The following SYTL5 variants were observed in gnomAD, a reference collection of about 807,000 sequenced individuals.
SYTL5 encodes the protein synaptotagmin-like protein 5.
In SYTL5, 34 loss-of-function variants were observed where a neutral mutation model predicts 55.9. The ratio of observed to expected loss-of-function variants is 0.61; its 90% CI spans 0.46 to 0.81. SYTL5 has a LOEUF of 0.81. Ranked by LOEUF, SYTL5 falls within the 30% of genes least tolerant of loss-of-function variation. The pLI is 0.00. For synonymous variants in SYTL5, 221 were observed against 188.7 expected (o/e 1.17, Z -1.40); for missense variants, 637 against 546.7 (o/e 1.17, Z -1.65).
chrX:37,993,317 G>GAAA, the SYTL5 span, among the ~76,000 whole-genome samples: 1 of 112,007 alleles, frequency 8.9e-6, no homozygotes, highest in Non-Finnish European at 1.9e-5. Flanking sequence ...ACTAAAATTA[G>GAAA]AAAAACACAA....
chrX:38,070,556 T>A (rs1329894335), intron 3 of SYTL5, among the ~76,000 whole-genome samples: 1 of 111,508 alleles, frequency 9.0e-6, no homozygotes, highest in Non-Finnish European at 1.9e-5. Context: ...AGCCAGAGAT[T>A]ATGTGATTCA....
chrX:37,905,438 T>TC, the SYTL5 span, among the ~76,000 whole-genome samples: 12,783 of 46,180 alleles, frequency 0.28, 985 homozygotes, highest in Non-Finnish European at 0.32. Flanking sequence ...TGTGTGTGTG[T>TC]GGGGGGGGCG....
intron 9 of SYTL5, among the ~76,000 whole-genome samples, chrX:38,099,504 A>G (rs1333715989): frequency 9.0e-6 from 1 of 111,422 alleles, no homozygotes; most frequent in African/African-American, 3.2e-5. Context: ...AGTGTTCTAT[A>G]TATAAAATCA....
At chrX:37,972,710 A>G in the SYTL5 span, among the ~76,000 whole-genome samples, 2 of 111,979 alleles carry the variant, frequency 1.8e-5, no homozygotes, top group Non-Finnish European at 3.8e-5. Flanking sequence ...TTGGTTTTAC[A>G]TATTTTAGGA....
chrX:37,909,581 A>T, the SYTL5 span, among the ~76,000 whole-genome samples: 1 of 111,253 alleles, frequency 9.0e-6, no homozygotes, highest in African/African-American at 3.3e-5. Flanking sequence ...AATCCAAAAG[A>T]CTGGACACCC....
chrX:38,060,615 A>G (rs1008705757), intron 3 of SYTL5, among the ~76,000 whole-genome samples: 5 of 112,046 alleles, frequency 4.5e-5, no homozygotes, highest in African/African-American at 1.6e-4. Context: ...TACTTAAAGT[A>G]TATCAGGCTT....
the SYTL5 span, among the ~76,000 whole-genome samples, chrX:37,957,712 G>T: frequency 8.9e-6 from 1 of 111,886 alleles, no homozygotes; most frequent in Non-Finnish European, 1.9e-5. Flanking sequence ...GAAGTATGAT[G>T]CCTCTAACTT....
rs143176819 is a variant in SYTL5, at chrX:38,126,642, G to A, written c.2105G>A (p.Arg702His). ...DWMDSQGEEQRLWQKMANNPG... is the reference protein window; with the variant it reads ...DWMDSQGEEQHLWQKMANNPG... The stretch of plus-strand genomic sequence containing the variant: ...ATGGACTCTCAGGGGGAAGAGCAGC[G>A]CCTTTGGCAGAAGATGGCCAACAAC... The change falls in exon 17 of 17, where the codon CGC becomes CAC. Residue 702 changes from arginine (R) to histidine (H), a missense_variant. By Grantham distance (29) the Arg-to-His change is conservative. Coordinates refer to ENST00000297875, the MANE Select transcript of SYTL5 (RefSeq NM_138780.3). 635 of 1,208,730 alleles carry A rather than the reference G, an allele frequency of 5.3e-4. No homozygotes were observed. Among genetic ancestry groups the A allele is most frequent in the Middle Eastern group, 9.2e-4 (4 of 4,348 alleles).
the SYTL5 span, among the ~76,000 whole-genome samples, chrX:37,941,789 G>A: frequency 8.9e-6 from 1 of 112,184 alleles, no homozygotes. Context: ...ACCACATCAA[G>A]GACTGAAGCA....
chrX:37,997,300 C>T, the SYTL5 span, among the ~76,000 whole-genome samples: 2 of 112,104 alleles, frequency 1.8e-5, no homozygotes, highest in African/African-American at 6.5e-5. Context: ...AGTAGCTCCC[C>T]GGTTGCAGCC....
chrX:38,108,537 CTT>C, intron 11 of SYTL5, 61 bp from the exon 12 acceptor site: 5 of 885,703 alleles, frequency 5.6e-6, no homozygotes, highest in Non-Finnish European at 8.0e-6. Context: ...ACAGCGAAGT[CTT>C]TGAACATTTC....
At chrX:37,952,967 A>G in the SYTL5 span, among the ~76,000 whole-genome samples, 4 of 110,540 alleles carry the variant, frequency 3.6e-5, no homozygotes, top group African/African-American at 1.3e-4. Flanking sequence ...AAACCAGGGC[A>G]CTTCAGAGAA....
rs1375518717 is a variant in SYTL5, at chrX:38,101,116, A to G, written c.1063-1226A>G. Among the ~76,000 whole-genome samples, 5 of 111,547 alleles carry G rather than the reference A, an allele frequency of 4.5e-5. No individual in the cohort carries two copies. In the East Asian group the frequency reaches 1.4e-3, roughly 31 times the overall value. ...ATATAGCATTTAATTACATTTACAC[A>G]AAGTACAAAAACAGGCAAAACGAAA... On this transcript the variant is annotated intron_variant, in intron 9 of 16. Transcript: ENST00000297875.
chrX:38,007,206 T>C (rs889152498), intron 1 of SYTL5, among the ~76,000 whole-genome samples: 3 of 111,800 alleles, frequency 2.7e-5, no homozygotes, highest in Non-Finnish European at 1.9e-5. Flanking sequence ...AAATATCCAG[T>C]ATGGATATAA....
At chrX:37,904,917 T>C in the SYTL5 span, among the ~76,000 whole-genome samples, 2 of 111,042 alleles carry the variant, frequency 1.8e-5, no homozygotes, top group Admixed American at 1.9e-4. Context: ...AGGAACTCTT[T>C]TTATACATTT....
the SYTL5 span, among the ~76,000 whole-genome samples, chrX:37,891,864 T>G: frequency 9.0e-6 from 1 of 111,589 alleles, no homozygotes; most frequent in Non-Finnish European, 1.9e-5. Flanking sequence ...CTCTGATAGA[T>G]GTATGGAAAA....
chrX:37,938,639 C>T, the SYTL5 span, among the ~76,000 whole-genome samples: 2 of 111,140 alleles, frequency 1.8e-5, no homozygotes. Context: ...CTCTCTCACC[C>T]CTCACTCCTT....
intron 13 of SYTL5, among the ~76,000 whole-genome samples, chrX:38,118,317 T>C (rs1047347695): frequency 2.7e-5 from 3 of 112,200 alleles, no homozygotes; most frequent in Non-Finnish European, 3.8e-5. Flanking sequence ...TCCTTTTCTT[T>C]GTAACAGTCT....
intron 2 of SYTL5, among the ~76,000 whole-genome samples, chrX:38,047,544 G>A (rs1935501706): frequency 8.9e-6 from 1 of 112,317 alleles, no homozygotes; most frequent in Non-Finnish European, 1.9e-5. Context: ...ACCTTTTTTT[G>A]TTCCAGGCCT....
Sources: allele counts gnomAD v4.1 joint callset (sites outside exome capture counted in the v4.1 genomes callset), GRCh38; gene constraint gnomAD v4.1.1; transcripts MANE v1.5; gene names NCBI Gene and HGNC (gene_info 2026-07-23, HGNC 2026-07-21).